Variants in SLBP observed in about 807,000 individuals in gnomAD.
The protein encoded by SLBP is histone RNA hairpin-binding protein.
SLBP carries 29 observed loss-of-function variants against 39.2 expected under a neutral mutation model. That is an observed-to-expected ratio of 0.74 (90% confidence interval 0.55 to 1.01). The LOEUF is 1.01. Among genes scored for constraint, SLBP ranks in the 50% least tolerant of loss-of-function variants. The pLI, the probability that SLBP is intolerant of heterozygous loss-of-function variation, is 0.00. For synonymous variants in SLBP, 129 were observed against 118.7 expected (o/e 1.09, Z -0.57); for missense variants, 390 against 350.2 (o/e 1.11, Z -0.91).
rs1399907205 is a variant in SLBP at position 1,699,623 on chromosome 4, C to T, written c.420G>A (p.Lys140=). ...TTGTGTTCTTCCCATAGTTGATCTG[C>T]TTCTGTCTCCTCATTAGGACACTTT... ...TDESVLMRRQ[K]QINYGKNTIA... The change falls in exon 5 of 8, where the codon AAG becomes AAA. Residue 140 remains lysine (K), a synonymous_variant. Coordinates refer to ENST00000489418, the MANE Select transcript of SLBP (RefSeq NM_006527.4). 6.2e-7 allele frequency: 1 copy of T among 1,613,542 alleles called. No individual in the cohort carries two copies. The highest frequency in any genetic ancestry group is 1.7e-5 in the Admixed American group (1 of 60,018).
intron 3 of SLBP, 21 bp from the exon 4 acceptor site, chr4:1,700,091 G>A (rs770632397): frequency 1.3e-6 from 2 of 1,543,358 alleles, no homozygotes; most frequent in Admixed American, 3.5e-5. Context: ...AATAAATATT[G>A]CTGTTTTTAA....
intron 2 of SLBP, among the ~76,000 whole-genome samples, chr4:1,705,202 T>C (rs901625728): frequency 3.9e-5 from 6 of 152,086 alleles, no homozygotes; most frequent in Non-Finnish European, 8.8e-5. Context: ...ACTGGGATTA[T>C]AGCTGTGAGC....
chr4:1,696,486 TA>T, intron 5 of SLBP, 135 bp from the exon 6 acceptor site: 1 of 727,576 alleles, frequency 1.4e-6, no homozygotes, highest in Non-Finnish European at 2.1e-6. Context: ...CTCATGCCTG[TA>T]ATCCTAGCAT....
intron 3 of SLBP, among the ~76,000 whole-genome samples, chr4:1,703,103 G>A (rs1257178966): frequency 4.6e-5 from 7 of 152,096 alleles, no homozygotes; most frequent in Non-Finnish European, 1.5e-5. Context: ...CAGGCGTGGT[G>A]GCCTGTGCCT....
In SLBP at chr4:1,693,602, T is replaced by C. The variant is rs767914696; in HGVS notation, c.808A>G (p.Ser270Gly). Residue 270 changes from serine (S) to glycine (G), a missense_variant, in exon 8 of 8, where the codon AGC becomes GGC. By Grantham distance (56) the Ser-to-Gly change is moderately conservative (BLOSUM62 0). Transcript: ENST00000489418. Reference protein sequence around the residue: ...TEPLRDFSAMS With the variant: ...TEPLRDFSAMG The stretch of plus-strand genomic sequence containing the variant: ...TCCTGGCCGCCAGGGGGCAGTTAGC[T>C]CATGGCTGAGAAGTCTCTCAAGGGT... 6.2e-7 allele frequency: 1 copy of C among 1,604,278 alleles called. No homozygotes were observed. The highest frequency in any genetic ancestry group is 1.1e-5 in the South Asian group (1 of 90,862).
At chr4:1,693,908 C>T (rs201422666) in intron 7 of SLBP, among the ~76,000 whole-genome samples, 195 bp from the exon 8 acceptor site, 31 of 152,288 alleles carry the variant, frequency 2.0e-4, no homozygotes, top group Non-Finnish European at 3.1e-4. Flanking sequence ...AAGACACTGA[C>T]GTTTAGATGT....
At chr4:1,708,099 A>AC (rs1482262116) in intron 2 of SLBP, among the ~76,000 whole-genome samples, 2 of 151,498 alleles carry the variant, frequency 1.3e-5, no homozygotes, top group Non-Finnish European at 2.9e-5. Flanking sequence ...AAAAAAAAAA[A>AC]AAAATCAGGC....
rs1021899616 is a variant in SLBP at position 1,693,198 on chromosome 4, A to G, written c.*399T>C. On this transcript the variant is annotated 3_prime_UTR_variant, in exon 8 of 8. Transcript: ENST00000489418. ...GTCTGAGAATACTTTGATGCCTATAAAAGTAGCTGACTCTCAATTGGTCCC... is the reference window on the plus strand; with the variant it reads ...GTCTGAGAATACTTTGATGCCTATAGAAGTAGCTGACTCTCAATTGGTCCC... 6.0e-6 allele frequency: 1 copy of G among 166,390 alleles called. No homozygotes were observed. Among genetic ancestry groups the G allele is most frequent in the African/African-American group, 2.4e-5 (1 of 41,738 alleles). The allele number at this position is 166,390 out of a possible 1,614,324, so 10.3% of individuals were successfully genotyped here.
At chr4:1,704,396 CAG>C (rs1265781745) in intron 2 of SLBP, among the ~76,000 whole-genome samples, 2 of 152,168 alleles carry the variant, frequency 1.3e-5, no homozygotes, top group Non-Finnish European at 2.9e-5. Context: ...CTAAGAAGTT[CAG>C]AGAGTGTAGA....
intron 3 of SLBP, among the ~76,000 whole-genome samples, chr4:1,700,777 C>T (rs1437608461): frequency 3.3e-5 from 5 of 152,136 alleles, no homozygotes; most frequent in Admixed American, 3.3e-4. Flanking sequence ...GTTGCCCAGG[C>T]TGCTCTTGAA....
At chr4:1,706,625 G>C (rs566493970) in intron 2 of SLBP, among the ~76,000 whole-genome samples, 94 of 152,160 alleles carry the variant, frequency 6.2e-4, no homozygotes, top group African/African-American at 2.0e-3. Flanking sequence ...GGGCAACATG[G>C]TGAAACCCAG....
rs560218432 is a variant in SLBP at position 1,696,674 on chromosome 4, G to A, written c.480-323C>T. Among the ~76,000 whole-genome samples, 9 of 152,244 alleles carry A rather than the reference G, an allele frequency of 5.9e-5. No individual in the cohort carries two copies. In the East Asian group the frequency reaches 1.7e-3, roughly 29 times the overall value. ...GCATTTTGGGAGGCCAAGGTGGGTG[G>A]ATCACCTGAGGTCAGCAGTTCGAGA... On this transcript the variant is annotated intron_variant, in intron 5 of 7. Transcript: ENST00000489418.
intron 6 of SLBP, among the ~76,000 whole-genome samples, 162 bp from the exon 7 acceptor site, chr4:1,695,002 T>A (rs1390594919): frequency 1.3e-5 from 2 of 152,000 alleles, no homozygotes; most frequent in African/African-American, 2.4e-5. Flanking sequence ...ACAGACTTAA[T>A]CCCAGCCCAA....
At chr4:1,700,820 C>T (rs1374738489) in intron 3 of SLBP, among the ~76,000 whole-genome samples, 1 of 152,182 alleles carries the variant, frequency 6.6e-6, no homozygotes, top group Non-Finnish European at 1.5e-5. Context: ...CCGCCTCAGC[C>T]TCTCAAAAGT....
At chr4:1,703,494 A>C in intron 3 of SLBP, 102 bp downstream of exon 3, 1 of 777,908 alleles carries the variant, frequency 1.3e-6, no homozygotes, top group Non-Finnish European at 2.3e-6. Context: ...TTTGGTCTGG[A>C]GCCCAGACCT....
chr4:1,702,922 A>G (rs1716378381), intron 3 of SLBP, among the ~76,000 whole-genome samples: 1 of 152,148 alleles, frequency 6.6e-6, no homozygotes, highest in South Asian at 2.1e-4. Flanking sequence ...CGCACACAGA[A>G]GGTCGGTGGT....
intron 2 of SLBP, among the ~76,000 whole-genome samples, chr4:1,705,052 C>T (rs530406674): frequency 2.6e-5 from 4 of 152,188 alleles, no homozygotes; most frequent in Admixed American, 6.6e-5. Context: ...CTCAGCCTCC[C>T]GAGTAGCTGA....
At chr4:1,696,404 C>T (rs1577177296) in intron 5 of SLBP, 53 bp from the exon 6 acceptor site, 2 of 1,427,608 alleles carry the variant, frequency 1.4e-6, no homozygotes, top group East Asian at 2.6e-5. Context: ...CACATTTCCA[C>T]ATTAGCCTGA....
chr4:1,708,512 G>C (rs977318947), intron 2 of SLBP, among the ~76,000 whole-genome samples: 1 of 152,176 alleles, frequency 6.6e-6, no homozygotes, highest in Non-Finnish European at 1.5e-5. Context: ...ACTCAATAGA[G>C]GTTTGTCCAG....
Sources: gnomAD v4.1 joint callset for allele counts (sites outside exome capture counted in the v4.1 genomes callset) on GRCh38, gnomAD v4.1.1 for gene constraint, MANE v1.5 for transcripts, NCBI Gene and HGNC (gene_info 2026-07-23, HGNC 2026-07-21) for gene names.